The following SCRN1 variants were observed in gnomAD, a reference collection of about 807,000 sequenced individuals.
SCRN1 encodes secernin-1.
A neutral mutation model predicts 43.3 loss-of-function variants in SCRN1; 19 were observed. That is an observed-to-expected ratio of 0.44 (90% CI 0.31 to 0.64). The LOEUF (loss-of-function observed/expected upper bound fraction) is 0.64, where lower values mean the gene tolerates loss of function less well. Among genes scored for constraint, SCRN1 ranks in the 30% least tolerant of loss-of-function variants. SCRN1 has a pLI of 0.09. For missense variants in SCRN1, 447 were observed against 524.1 expected, an observed-to-expected ratio of 0.85 and a Z score of 1.44; for synonymous variants, 183 against 188.9, an observed-to-expected ratio of 0.97 and a Z score of 0.26.
chr7:29,930,186 A>C (rs1000963669), intron 6 of SCRN1, among the ~76,000 whole-genome samples: 23 of 152,180 alleles, frequency 1.5e-4, no homozygotes, highest in Non-Finnish European at 5.9e-5. Context: ...CTAATAAATA[A>C]GGTTATCTAA....
At chr7:29,963,656 G>A (rs549640336) in intron 2 of SCRN1, among the ~76,000 whole-genome samples, 1 of 3,572 alleles carries the variant, frequency 2.8e-4, no homozygotes, top group African/African-American at 3.2e-4. Context: ...TACATCCAAT[G>A]GTATCTACAC....
At chr7:29,931,257 T>C (rs1787144650) in intron 6 of SCRN1, among the ~76,000 whole-genome samples, 1 of 152,270 alleles carries the variant, frequency 6.6e-6, no homozygotes, top group South Asian at 2.1e-4. Context: ...TAGCACAGCA[T>C]AATTCTCAAA....
intron 2 of SCRN1, among the ~76,000 whole-genome samples, chr7:29,968,508 G>A (rs1346609671): frequency 6.6e-6 from 1 of 152,178 alleles, no homozygotes; most frequent in African/African-American, 2.4e-5. Context: ...ATATGCACAT[G>A]TGTGTGTGAT....
At chr7:29,935,484 A>G (rs1436889165) in intron 6 of SCRN1, among the ~76,000 whole-genome samples, 1 of 152,242 alleles carries the variant, frequency 6.6e-6, no homozygotes, top group Non-Finnish European at 1.5e-5. Context: ...TGTTCAGCCA[A>G]TGGAACACCC....
intron 1 of SCRN1, among the ~76,000 whole-genome samples, chr7:29,980,214 G>A (rs1788954933): frequency 6.6e-6 from 1 of 152,126 alleles, no homozygotes; most frequent in African/African-American, 2.4e-5. Context: ...TAAAGAACAG[G>A]GATGTAATGA....
chr7:29,942,311 G>A (rs891344196), intron 4 of SCRN1, among the ~76,000 whole-genome samples: 6 of 152,300 alleles, frequency 3.9e-5, no homozygotes, highest in East Asian at 1.9e-4. Flanking sequence ...CCATCACACC[G>A]CTGCTGGGAT....
At chr7:29,981,076 T>G (rs532590368) in intron 1 of SCRN1, among the ~76,000 whole-genome samples, 18 of 152,310 alleles carry the variant, frequency 1.2e-4, no homozygotes, top group African/African-American at 4.3e-4. Context: ...ATTGCTTTAT[T>G]GGTCTTTTAA....
intron 1 of SCRN1, among the ~76,000 whole-genome samples, chr7:29,987,657 A>G (rs1789203050): frequency 6.6e-6 from 1 of 152,266 alleles, no homozygotes; most frequent in Non-Finnish European, 1.5e-5. Context: ...TTAAACACCT[A>G]TAGACTTTGT....
At position 29,955,490 on chromosome 7, in the gene SCRN1, C is replaced by A. The variant is rs147908879; in HGVS notation, c.160-130G>T. 1.7e-5 allele frequency: 14 copies of A among 829,840 alleles called. No individual in the cohort carries two copies. In the East Asian group the frequency reaches 3.6e-4, roughly 21 times the overall value. The allele number at this position is 829,840 out of a possible 1,614,324, so 51.4% of individuals were successfully genotyped here. On this transcript the variant is annotated intron_variant, in intron 2 of 7. Transcript: ENST00000242059. ...AAAAAATAAAAGGCCTTGGGAATAC[C>A]CTGATTTTTAAGTCTTCACAATGCA...
chr7:29,947,415 G>T lies in SCRN1; in HGVS notation c.342-3236C>A, dbSNP rs534509989. 1.3e-3 allele frequency: 1,858 copies of T among 1,407,100 alleles called. 5 individuals are homozygous for T. The highest frequency in any genetic ancestry group is 1.5e-3 in the Non-Finnish European group (1,592 of 1,042,098). 87.2% of individuals were successfully genotyped at this position (1,407,100 alleles called of 1,614,324 possible). A position where few individuals can be genotyped will look rare whatever the true frequency, so the allele number is the denominator to read the frequency against. ...TCTTTTCAACATCTGTGCCTCCATG[G>T]ATTAGGAGATCCCTGTCCTTTTCTA... On this transcript the variant is annotated intron_variant, in intron 3 of 7. Transcript: ENST00000242059.
chr7:29,948,758 C>A (rs1254189534), intron 3 of SCRN1, among the ~76,000 whole-genome samples: 4 of 152,218 alleles, frequency 2.6e-5, no homozygotes, highest in African/African-American at 7.2e-5. Flanking sequence ...GAGCCAGCTG[C>A]TACCAGCTTG....
chr7:29,934,300 T>C (rs1301552253), intron 6 of SCRN1, among the ~76,000 whole-genome samples: 1 of 152,222 alleles, frequency 6.6e-6, no homozygotes, highest in East Asian at 1.9e-4. Context: ...GATTAGGCCA[T>C]GTCCTTCAGC....
rs569391335 is a variant in SCRN1 at position 29,955,022 on chromosome 7, C to T, written c.341+157G>A. Among the ~76,000 whole-genome samples the T allele has an allele frequency of 4.5e-4, 68 of 152,196 alleles. 1 individual carries two copies. In the South Asian group the frequency reaches 0.013, roughly 29 times the overall value. ...TTGTTAAGTAATATTCCATTGTAATCCACTCATTTATCTCATCATCTTAAA... is the reference window on the plus strand; with the variant it reads ...TTGTTAAGTAATATTCCATTGTAATTCACTCATTTATCTCATCATCTTAAA... On this transcript the variant is annotated intron_variant, in intron 3 of 7. Coordinates refer to ENST00000242059, the MANE Select transcript of SCRN1 (RefSeq NM_014766.5).
intron 3 of SCRN1, among the ~76,000 whole-genome samples, chr7:29,945,991 G>T (rs1406316646): frequency 6.6e-6 from 1 of 152,162 alleles, no homozygotes; most frequent in Non-Finnish European, 1.5e-5. Context: ...TTCCTAAAGG[G>T]ATATTTCACT....
intron 1 of SCRN1, among the ~76,000 whole-genome samples, chr7:29,974,681 C>CTTTTTTT (rs754103658): frequency 2.8e-5 from 4 of 142,270 alleles, no homozygotes; most frequent in African/African-American, 5.3e-5. Flanking sequence ...TTCTTTCTTT[C>CTTTTTTT]TTTCTTTTTT....
At chr7:29,956,010 T>G (rs1468843865) in intron 2 of SCRN1, among the ~76,000 whole-genome samples, 1 of 152,242 alleles carries the variant, frequency 6.6e-6, no homozygotes, top group Non-Finnish European at 1.5e-5. Context: ...CTCCAGCTGC[T>G]GTCAGAACTG....
Position 29,940,669 on chromosome 7 carries a change from G to A in SCRN1, c.739+13C>T, listed in dbSNP as rs764729045. ...GTATGAGAAGGAGAATCGTGAGGGAGAGACTAACTCACCTTCTTGTTTTTC... is the reference window on the plus strand; with the variant it reads ...GTATGAGAAGGAGAATCGTGAGGGAAAGACTAACTCACCTTCTTGTTTTTC... On this transcript the variant is annotated intron_variant, in intron 5 of 7. Transcript: ENST00000242059. The A allele has an allele frequency of 3.8e-6, 6 of 1,585,158 alleles. No individual in the cohort carries two copies. Among genetic ancestry groups the A allele is most frequent in the Non-Finnish European group, 5.1e-6 (6 of 1,170,272 alleles).
chr7:29,931,921 TAGAGTCAA>T lies in SCRN1; in HGVS notation c.905+4627_905+4634del, dbSNP rs1315260903. ...GCTTTACTGTGAGCCACTTTAATCA[TAGAGTCAA>T]AGTCACACCTGGCTCCCATAAACAT... On this transcript the variant is annotated intron_variant, in intron 6 of 7. Coordinates refer to ENST00000242059, the MANE Select transcript of SCRN1 (RefSeq NM_014766.5). Among the ~76,000 whole-genome samples the T allele has an allele frequency of 9.8e-5, 15 of 152,296 alleles. No homozygotes were observed. The South Asian group carries it at 2.9e-3, about 29-fold the overall frequency.
rs1786821023 is a variant in SCRN1 at position 29,923,053 on chromosome 7, GT to G, written c.*903del. ...CCTTGGCTGAGAGATTCACTACTCT[GT>G]GGGTGGAACTGTGCCATAGGGCCAT... is the stretch of plus-strand genomic sequence containing the variant. On this transcript the variant is annotated 3_prime_UTR_variant, in exon 8 of 8. Coordinates refer to ENST00000242059, the MANE Select transcript of SCRN1 (RefSeq NM_014766.5). 1.7e-5 allele frequency: 1 copy of G among 60,532 alleles called. No individual in the cohort carries two copies. The highest frequency in any genetic ancestry group is 2.4e-4 in the Admixed American group (1 of 4,092). The allele number at this position is 60,532 out of a possible 1,614,324, so 3.7% of individuals were successfully genotyped here. A position where few individuals can be genotyped will look rare whatever the true frequency, so the allele number is the denominator to read the frequency against.
Sources: allele counts gnomAD v4.1 joint callset (sites outside exome capture counted in the v4.1 genomes callset), GRCh38; gene constraint gnomAD v4.1.1; transcripts MANE v1.5; gene names NCBI Gene and HGNC (gene_info 2026-07-23, HGNC 2026-07-21).